Variants in ZDHHC15 observed in about 807,000 individuals in gnomAD.
ZDHHC15 encodes the protein palmitoyltransferase ZDHHC15.
In ZDHHC15, 19 loss-of-function variants were observed where a neutral mutation model predicts 31.7. The ratio of observed to expected loss-of-function variants is 0.60; its 90% confidence interval spans 0.42 to 0.88. The LOEUF (loss-of-function observed/expected upper bound fraction) is 0.88. Among genes scored for constraint, ZDHHC15 ranks in the 40% least tolerant of loss-of-function variants. The probability of loss-of-function intolerance (pLI) is 0.00; values close to 1 mark genes in which losing one functional copy is unlikely to be tolerated. For missense variants in ZDHHC15, 209 were observed against 251.2 expected (o/e 0.83, Z 1.14); for synonymous variants, 103 against 90.0 (o/e 1.14, Z -0.82).
intron 4 of ZDHHC15, among the ~76,000 whole-genome samples, chrX:75,445,378 T>C (rs868188540): frequency 8.9e-6 from 1 of 111,870 alleles, no homozygotes; most frequent in South Asian, 3.7e-4. Context: ...GTATCTTCAA[T>C]AGATGCTCTT....
chrX:75,402,525 A>C (rs1176635466), intron 10 of ZDHHC15, among the ~76,000 whole-genome samples: 2 of 111,048 alleles, frequency 1.8e-5, no homozygotes, highest in Non-Finnish European at 3.8e-5. Context: ...AAGGGAGAAG[A>C]TCCAATAAAC....
At position 75,516,986 on chromosome X, in the gene ZDHHC15, A is replaced by C. The variant is rs766205544; in HGVS notation, c.136+5903T>G. ...ATGCAGCCAAAAGATACATGAAAAA[A>C]TGCTCATCATCACTGGCCATCAGAG... is the stretch of plus-strand genomic sequence containing the variant. On this transcript the variant is annotated intron_variant, in intron 1 of 11. Transcript: ENST00000373367. Among the ~76,000 whole-genome samples, 8 of 112,711 alleles carry C rather than the reference A, an allele frequency of 7.1e-5. No individual in the cohort carries two copies. The South Asian group carries it at 2.2e-3, about 31-fold the overall frequency.
intron 10 of ZDHHC15, among the ~76,000 whole-genome samples, chrX:75,407,522 G>A (rs1432480733): frequency 2.5e-4 from 27 of 110,070 alleles, no homozygotes; most frequent in Admixed American, 6.6e-4. Flanking sequence ...GCCCCCGCCC[G>A]GCCAGCCGCC....
At position 75,418,775 on chromosome X, in the gene ZDHHC15, T is replaced by C. The variant is rs770528135; in HGVS notation, c.864-1585A>G. ...CCATATGCAGAAAGCTGAAACTGGA[T>C]ACCTTCCTTACACGTTATACAAAAA... On this transcript the variant is annotated intron_variant, in intron 9 of 11. Coordinates refer to ENST00000373367, the MANE Select transcript of ZDHHC15 (RefSeq NM_144969.3). 1.6e-4 allele frequency among the ~76,000 whole-genome samples: 18 copies of C among 112,076 alleles called. 1 individual carries two copies. In the South Asian group the frequency reaches 6.7e-3, roughly 42 times the overall value.
At chrX:75,502,722 C>G (rs1403581642) in intron 2 of ZDHHC15, among the ~76,000 whole-genome samples, 1 of 110,789 alleles carries the variant, frequency 9.0e-6, no homozygotes, top group African/African-American at 3.3e-5. Flanking sequence ...TCCCTAAGCT[C>G]CAGATCATCC....
chrX:75,408,110 T>A (rs5938058), intron 10 of ZDHHC15, among the ~76,000 whole-genome samples: 1 of 102,785 alleles, frequency 9.7e-6, no homozygotes, highest in South Asian at 4.5e-4. Flanking sequence ...AAAACCAGAG[T>A]CCCTTGTTCA....
At chrX:75,436,977 G>C in intron 4 of ZDHHC15, among the ~76,000 whole-genome samples, 1 of 111,940 alleles carries the variant, frequency 8.9e-6, no homozygotes, top group Non-Finnish European at 1.9e-5. Context: ...TGCCTCCTGG[G>C]TTCACGCCAT....
At chrX:75,379,799 A>G (rs1028978444) in intron 10 of ZDHHC15, among the ~76,000 whole-genome samples, 3 of 112,254 alleles carry the variant, frequency 2.7e-5, no homozygotes, top group African/African-American at 9.7e-5. Context: ...AAAAGTTGAC[A>G]GTAGCCATCC....
Position 75,417,151 on chromosome X carries a change from A to T in ZDHHC15, c.903T>A (p.Asn301Lys). Residue 301 changes from asparagine to lysine, a missense_variant, in exon 10 of 12, where the codon AAT becomes AAA. Asn to Lys is a moderately conservative substitution (Grantham distance 94). Coordinates refer to ENST00000373367, the MANE Select transcript of ZDHHC15 (RefSeq NM_144969.3). Reference protein sequence around the residue: ...DGHSFPMRSMNESQNPLLANE... With the variant: ...DGHSFPMRSMKESQNPLLANE... ...TTGCTAGCAGTGGGTTCTGTGACTC[A>T]TTCATAGACCTCATAGGGAAGGAGT... 8.3e-7 allele frequency: 1 copy of T among 1,209,148 alleles called. No homozygotes were observed. The highest frequency in any genetic ancestry group is 1.1e-6 in the Non-Finnish European group (1 of 893,789).
At chrX:75,410,944 G>C (rs1174106861) in intron 10 of ZDHHC15, among the ~76,000 whole-genome samples, 3 of 111,901 alleles carry the variant, frequency 2.7e-5, no homozygotes, top group Admixed American at 1.9e-4. Flanking sequence ...GCAGCAACAT[G>C]GATGGAACTG....
intron 10 of ZDHHC15, among the ~76,000 whole-genome samples, chrX:75,383,784 G>C (rs1300048787): frequency 1.1e-5 from 1 of 92,460 alleles, no homozygotes; most frequent in Non-Finnish European, 2.1e-5. Context: ...TGTCACCCAG[G>C]CTGGAGTGCA....
intron 3 of ZDHHC15, 115 bp from the exon 4 acceptor site, chrX:75,451,037 G>A: frequency 2.3e-6 from 2 of 872,961 alleles, no homozygotes; most frequent in East Asian, 7.0e-5. Context: ...TGAAGCTCAG[G>A]TACCACTTAG....
intron 10 of ZDHHC15, among the ~76,000 whole-genome samples, chrX:75,381,949 A>G (rs2083119353): frequency 9.0e-6 from 1 of 111,676 alleles, no homozygotes; most frequent in African/African-American, 3.3e-5. Flanking sequence ...GTCTTGCCTC[A>G]TCCTCAAAAC....
intron 2 of ZDHHC15, among the ~76,000 whole-genome samples, chrX:75,493,631 C>G (rs746804647): frequency 8.9e-6 from 1 of 111,953 alleles, no homozygotes; most frequent in African/African-American, 3.2e-5. Flanking sequence ...GTTCAACATA[C>G]GCAAATCAAT....
chrX:75,376,187 G>A (rs1224342777), intron 11 of ZDHHC15, among the ~76,000 whole-genome samples: 3 of 108,151 alleles, frequency 2.8e-5, no homozygotes, highest in African/African-American at 1.0e-4. Flanking sequence ...TCATATGTTT[G>A]TTGGCTGCTT....
chrX:75,387,497 T>A (rs1049691536), intron 10 of ZDHHC15, among the ~76,000 whole-genome samples: 4 of 110,465 alleles, frequency 3.6e-5, no homozygotes, highest in African/African-American at 1.3e-4. Context: ...CAGACAGAAA[T>A]CATGAAACTT....
chrX:75,496,979 A>G (rs1323014777), intron 2 of ZDHHC15, among the ~76,000 whole-genome samples: 1 of 111,897 alleles, frequency 8.9e-6, no homozygotes, highest in Non-Finnish European at 1.9e-5. Flanking sequence ...TGGAAAAAAA[A>G]AGTAACAAAG....
intron 11 of ZDHHC15, among the ~76,000 whole-genome samples, chrX:75,373,725 A>G (rs775705945): frequency 1.8e-5 from 2 of 110,930 alleles, no homozygotes; most frequent in African/African-American, 6.5e-5. Flanking sequence ...TATGTATTAC[A>G]TGAGATATTT....
At chrX:75,394,344 T>C in intron 10 of ZDHHC15, among the ~76,000 whole-genome samples, 1 of 102,861 alleles carries the variant, frequency 9.7e-6, no homozygotes, top group East Asian at 3.2e-4. Flanking sequence ...AAACAAGTAA[T>C]AGAATGGTAG....
Sources: allele counts gnomAD v4.1 joint callset (sites outside exome capture counted in the v4.1 genomes callset), GRCh38; gene constraint gnomAD v4.1.1; transcripts MANE v1.5; gene names NCBI Gene and HGNC (gene_info 2026-07-23, HGNC 2026-07-21).